PTPN13: variants seen among roughly 807,000 people sequenced by gnomAD.
PTPN13 encodes tyrosine-protein phosphatase non-receptor type 13.
A neutral mutation model predicts 284.0 loss-of-function variants in PTPN13; 191 were observed. That is an observed-to-expected ratio of 0.67 (90% CI 0.60 to 0.76). PTPN13 has a LOEUF of 0.76. PTPN13 is among the 30% of genes least tolerant of loss of function. The pLI is 0.00. For missense variants in PTPN13, 2,797 were observed against 2,939.9 expected, an observed-to-expected ratio of 0.95 and a Z score of 1.12; for synonymous variants, 986 against 1,022.3, an observed-to-expected ratio of 0.96 and a Z score of 0.68.
At chr4:86,630,789 T>C (rs1722385707) in intron 1 of PTPN13, among the ~76,000 whole-genome samples, 1 of 152,146 alleles carries the variant, frequency 6.6e-6, no homozygotes, top group South Asian at 2.1e-4. Flanking sequence ...AGACAGGTTA[T>C]TTTATCACTT....
At chr4:86,615,380 A>G (rs1720423185) in intron 1 of PTPN13, among the ~76,000 whole-genome samples, 1 of 152,122 alleles carries the variant, frequency 6.6e-6, no homozygotes, top group Non-Finnish European at 1.5e-5. Context: ...CTGCAAGCAC[A>G]GGTACATAGT....
chr4:86,729,907 G>A (rs767329983), intron 10 of PTPN13, among the ~76,000 whole-genome samples: 1 of 149,638 alleles, frequency 6.7e-6, no homozygotes, highest in African/African-American at 2.4e-5. Flanking sequence ...GCAGTCCTTT[G>A]GAGGAGAAGA....
intron 7 of PTPN13, among the ~76,000 whole-genome samples, chr4:86,703,401 A>C (rs370373961): frequency 3.4e-4 from 51 of 152,074 alleles, no homozygotes; most frequent in African/African-American, 1.1e-3. Flanking sequence ...GCATGCCCTC[A>C]TGGAAACAAT....
At chr4:86,702,959 A>G (rs1225728516) in intron 7 of PTPN13, among the ~76,000 whole-genome samples, 1 of 152,150 alleles carries the variant, frequency 6.6e-6, no homozygotes, top group African/African-American at 2.4e-5. Flanking sequence ...AAAGTATTCT[A>G]AAGATCTGTT....
chr4:86,672,626 C>G (rs1396243295), intron 3 of PTPN13, 83 bp downstream of exon 3: 2 of 1,107,238 alleles, frequency 1.8e-6, no homozygotes, highest in Non-Finnish European at 2.5e-6. Context: ...TGTTTCAACC[C>G]TCTGAAAAAT....
chr4:86,601,385 G>A (rs1764282256), intron 1 of PTPN13, among the ~76,000 whole-genome samples: 1 of 151,994 alleles, frequency 6.6e-6, no homozygotes, highest in Non-Finnish European at 1.5e-5. Flanking sequence ...TTATTACATA[G>A]TACCCAGAGA....
intron 41 of PTPN13, 142 bp downstream of exon 41, chr4:86,797,071 T>C (rs1743422242): frequency 3.1e-6 from 2 of 642,628 alleles, no homozygotes; most frequent in Non-Finnish European, 5.0e-6. Flanking sequence ...ATTTTTAAAA[T>C]TTTCGGGCCA....
At chr4:86,639,719 A>G (rs1054289919) in intron 2 of PTPN13, among the ~76,000 whole-genome samples, 3 of 152,092 alleles carry the variant, frequency 2.0e-5, no homozygotes, top group African/African-American at 7.2e-5. Flanking sequence ...TAGGAGATAT[A>G]CCTAATGCTA....
At chr4:86,789,000 T>A (rs558529809) in intron 40 of PTPN13, among the ~76,000 whole-genome samples, 5 of 152,352 alleles carry the variant, frequency 3.3e-5, no homozygotes, top group Admixed American at 3.3e-4. Context: ...TATTTGATAG[T>A]TAAGCTAGGA....
intron 12 of PTPN13, 27 bp from the exon 13 acceptor site, chr4:86,734,276 T>C: frequency 1.4e-6 from 2 of 1,401,596 alleles, no homozygotes; most frequent in Non-Finnish European, 1.9e-6. Flanking sequence ...TTTTATTTTA[T>C]CTGAATATTT....
chr4:86,604,682 C>G (rs1057021314), intron 1 of PTPN13, among the ~76,000 whole-genome samples: 1 of 151,764 alleles, frequency 6.6e-6, no homozygotes, highest in Admixed American at 6.6e-5. Context: ...ATTATTCGAC[C>G]ATTTAAAAAA....
At chr4:86,814,154 G>A (rs866681027) in intron 47 of PTPN13, among the ~76,000 whole-genome samples, 7 of 151,392 alleles carry the variant, frequency 4.6e-5, no homozygotes, top group African/African-American at 1.2e-4. Context: ...CTACAGGCGC[G>A]TGCCACGACG....
chr4:86,684,243 T>A (rs1468646602), intron 3 of PTPN13, among the ~76,000 whole-genome samples: 15 of 152,210 alleles, frequency 9.9e-5, no homozygotes, highest in Admixed American at 9.8e-4. Flanking sequence ...TTAACCTGTT[T>A]GGAAGTATTT....
At chr4:86,667,868 C>A (rs755795984) in intron 2 of PTPN13, among the ~76,000 whole-genome samples, 2 of 152,044 alleles carry the variant, frequency 1.3e-5, no homozygotes, top group Non-Finnish European at 2.9e-5. Context: ...GTTTCCTTAC[C>A]ATGTTTGTTG....
intron 1 of PTPN13, among the ~76,000 whole-genome samples, chr4:86,627,549 G>A (rs925983014): frequency 2.0e-5 from 3 of 151,150 alleles, no homozygotes; most frequent in Non-Finnish European, 1.5e-5. Context: ...AGGCATGTTT[G>A]ACATATAATA....
chr4:86,703,962 C>T (rs1033423321), intron 7 of PTPN13, among the ~76,000 whole-genome samples: 5 of 151,652 alleles, frequency 3.3e-5, no homozygotes, highest in Non-Finnish European at 5.9e-5. Flanking sequence ...CACCTGAGGT[C>T]GGGAGTTCGA....
chr4:86,752,736 CTCAT>C lies in PTPN13; in HGVS notation c.3167-270_3167-267del, dbSNP rs1302747135. Among the ~76,000 whole-genome samples, 4 of 152,110 alleles carry C rather than the reference CTCAT, an allele frequency of 2.6e-5. No homozygotes were observed. The East Asian group carries it at 5.8e-4, about 22-fold the overall frequency. The stretch of plus-strand genomic sequence containing the variant: ...TTTTAACACTTGAACAAATGAAAAA[CTCAT>C]TCCAGTTTCATCATTTCATATTTGA... On this transcript the variant is annotated intron_variant, in intron 19 of 47. Transcript: ENST00000411767.
chr4:86,758,583 T>A, intron 21 of PTPN13, 95 bp from the exon 22 acceptor site: 1 of 1,098,982 alleles, frequency 9.1e-7, no homozygotes, highest in Non-Finnish European at 1.3e-6. Flanking sequence ...TCATTTGATA[T>A]CAATAGTCCC....
At chr4:86,630,370 T>C (rs1286797832) in intron 1 of PTPN13, among the ~76,000 whole-genome samples, 1 of 152,168 alleles carries the variant, frequency 6.6e-6, no homozygotes, top group African/African-American at 2.4e-5. Context: ...ATTTTGTATG[T>C]TTTAAAATAC....
Sources: gnomAD v4.1 joint callset for allele counts (sites outside exome capture counted in the v4.1 genomes callset) on GRCh38, gnomAD v4.1.1 for gene constraint, MANE v1.5 for transcripts, NCBI Gene and HGNC (gene_info 2026-07-23, HGNC 2026-07-21) for gene names.